The following DOCK8 variants were observed in gnomAD, a reference collection of about 807,000 sequenced individuals.
DOCK8 encodes dedicator of cytokinesis 8.
DOCK8 carries 141 observed loss-of-function variants against 245.6 expected under a neutral mutation model. The ratio of observed to expected loss-of-function variants is 0.57; its 90% CI spans 0.50 to 0.66. The LOEUF (loss-of-function observed/expected upper bound fraction) is 0.66. Ranked by LOEUF, DOCK8 falls within the 30% of genes least tolerant of loss-of-function variation. The pLI is 0.00. For synonymous variants in DOCK8, 1,168 were observed against 970.2 expected (o/e 1.20, Z -3.79); for missense variants, 2,965 against 2,603.4 (o/e 1.14, Z -3.02).
At chr9:237,969 G>T (rs561561166) in intron 1 of DOCK8, among the ~76,000 whole-genome samples, 3 of 152,294 alleles carry the variant, frequency 2.0e-5, no homozygotes, top group Non-Finnish European at 4.4e-5. Flanking sequence ...CCCACTTGTG[G>T]AATAGCTGAG....
chr9:229,252 A>T (rs1013866673), intron 1 of DOCK8, among the ~76,000 whole-genome samples: 4 of 152,130 alleles, frequency 2.6e-5, no homozygotes, highest in Non-Finnish European at 5.9e-5. Context: ...GTTTAATCAG[A>T]AGGCCTTGTC....
At chr9:278,418 C>T (rs1452430899) in intron 2 of DOCK8, among the ~76,000 whole-genome samples, 4 of 152,210 alleles carry the variant, frequency 2.6e-5, no homozygotes, top group African/African-American at 7.2e-5. Flanking sequence ...GTCTCTATGT[C>T]AGGAACTGCT....
chr9:227,302 C>T (rs1320127928), intron 1 of DOCK8, among the ~76,000 whole-genome samples: 2 of 152,132 alleles, frequency 1.3e-5, no homozygotes. Context: ...TTTTTTACTT[C>T]CCTCGTAGAG....
intron 1 of DOCK8, among the ~76,000 whole-genome samples, chr9:248,531 CTCTTTCTT>C (rs140406776): frequency 3.7e-4 from 32 of 87,624 alleles, no homozygotes; most frequent in African/African-American, 9.9e-4. Flanking sequence ...CTCCCTCTCT[CTCTTTCTT>C]TCTTTCTTTC....
intron 12 of DOCK8, among the ~76,000 whole-genome samples, 176 bp downstream of exon 12, chr9:336,894 G>C (rs1023640364): frequency 6.6e-6 from 1 of 152,116 alleles, no homozygotes; most frequent in Non-Finnish European, 1.5e-5. Flanking sequence ...AAAAAGAAAA[G>C]GGATTTGTTT....
At chr9:380,993 G>A (rs2053698317) in intron 21 of DOCK8, 1 of 152,584 alleles carries the variant, frequency 6.6e-6, no homozygotes, top group Non-Finnish European at 1.5e-5. Context: ...AGCTACTCAG[G>A]AAGAAGCTGA....
chr9:399,725 T>G (rs1233347900), intron 26 of DOCK8, among the ~76,000 whole-genome samples: 1 of 152,090 alleles, frequency 6.6e-6, no homozygotes, highest in Admixed American at 6.5e-5. Flanking sequence ...TTAATTTCAC[T>G]GAGCACATAG....
chr9:382,871 C>T (rs2053781293), intron 22 of DOCK8, among the ~76,000 whole-genome samples, 186 bp downstream of exon 22: 1 of 152,076 alleles, frequency 6.6e-6, no homozygotes, highest in Non-Finnish European at 1.5e-5. Flanking sequence ...GATGCAGCAG[C>T]AAGACCAGCA....
In DOCK8 at chr9:399,221, G is replaced by A. The variant is rs528879050; in HGVS notation, c.3196G>A (p.Gly1066Ser). 1.4e-5 allele frequency: 22 copies of A among 1,613,954 alleles called. No homozygotes were observed. The highest frequency in any genetic ancestry group is 1.4e-5 in the Non-Finnish European group (17 of 1,179,972). Residue 1066 changes from glycine (G) to serine (S), a missense_variant, in exon 26 of 48, where the codon GGC becomes AGC. Gly to Ser is a moderately conservative substitution (Grantham distance 56). This residue lies in a region of DOCK8 where 2,825 missense variants were observed against 2,453.5 expected (regional missense o/e 1.15). Coordinates refer to ENST00000432829, the MANE Select transcript of DOCK8 (RefSeq NM_203447.4). Reference protein sequence around the residue: ...LYDLLSLMDRGFVFNLIRHYC... With the variant: ...LYDLLSLMDRSFVFNLIRHYC... ...TGACCTTCTCTCCCTCATGGATCGGGGCTTTGTGTTTAACCTCATCAGACA... is the reference window on the plus strand; with the variant it reads ...TGACCTTCTCTCCCTCATGGATCGGAGCTTTGTGTTTAACCTCATCAGACA...
intron 1 of DOCK8, among the ~76,000 whole-genome samples, chr9:223,311 A>G (rs1055890789): frequency 6.6e-6 from 1 of 152,166 alleles, no homozygotes; most frequent in African/African-American, 2.4e-5. Context: ...TAGTTCATTC[A>G]TTTGTTCACT....
rs902461490 is a variant in DOCK8, at chr9:404,772, A to G, written c.3235-146A>G. The G allele has an allele frequency of 3.6e-6, 3 of 843,864 alleles. No homozygotes were observed. In the African/African-American group the frequency reaches 5.0e-5, roughly 14 times the overall value. The allele number at this position is 843,864 out of a possible 1,614,324, so 52.3% of individuals were successfully genotyped here. A position where few individuals can be genotyped will look rare whatever the true frequency, so the allele number is the denominator to read the frequency against. On this transcript the variant is annotated intron_variant, in intron 26 of 47. Coordinates refer to ENST00000432829, the MANE Select transcript of DOCK8 (RefSeq NM_203447.4). Reference sequence around the variant, plus strand: ...TTTATTAGACCTCTCTGTAATGCAGAATTTACCATCTGTTGCACTATCCCA... The same window carrying G: ...TTTATTAGACCTCTCTGTAATGCAGGATTTACCATCTGTTGCACTATCCCA...
upstream of DOCK8, chr9:214,453 CT>C (rs533654119): frequency 2.6e-3 from 4,006 of 1,526,624 alleles, 15 homozygotes; most frequent in Non-Finnish European, 3.2e-3. Flanking sequence ...ACTTTTTTGT[CT>C]TTTTTTTTGG....
At chr9:262,347 G>A (rs1167224156) in intron 1 of DOCK8, among the ~76,000 whole-genome samples, 1 of 151,488 alleles carries the variant, frequency 6.6e-6, no homozygotes, top group African/African-American at 2.4e-5. Context: ...ATGAAAGAAT[G>A]TATCCATATA....
At chr9:231,817 C>T (rs974360243) in intron 1 of DOCK8, among the ~76,000 whole-genome samples, 4 of 152,140 alleles carry the variant, frequency 2.6e-5, no homozygotes, top group Non-Finnish European at 5.9e-5. Context: ...ATGGGGTTTT[C>T]AAGATATAAA....
At chr9:333,853 G>T (rs1407708113) in intron 10 of DOCK8, among the ~76,000 whole-genome samples, 1 of 152,110 alleles carries the variant, frequency 6.6e-6, no homozygotes, top group Non-Finnish European at 1.5e-5. Flanking sequence ...TGGGAGCTTG[G>T]TAGATGATAT....
At chr9:262,854 T>A (rs1455592760) in intron 1 of DOCK8, among the ~76,000 whole-genome samples, 3 of 152,052 alleles carry the variant, frequency 2.0e-5, no homozygotes, top group South Asian at 2.1e-4. Flanking sequence ...AACAATTTTT[T>A]AAAATGTAGT....
intron 5 of DOCK8, among the ~76,000 whole-genome samples, chr9:306,518 G>A (rs1267057548): frequency 6.6e-6 from 1 of 152,162 alleles, no homozygotes; most frequent in Non-Finnish European, 1.5e-5. Context: ...GATTAAACCG[G>A]TTTTGGAGGT....
At chr9:439,189 G>C in intron 39 of DOCK8, 56 bp from the exon 40 acceptor site, 1 of 1,612,794 alleles carries the variant, frequency 6.2e-7, no homozygotes, top group South Asian at 1.1e-5. Context: ...GGTTCCTGTG[G>C]TCTCTTACTA....
intron 43 of DOCK8, among the ~76,000 whole-genome samples, chr9:446,135 G>A (rs1371984924): frequency 6.6e-6 from 1 of 152,222 alleles, no homozygotes; most frequent in East Asian, 1.9e-4. Context: ...AGGTGCGGCC[G>A]GTGGCCCTCA....
Sources: gnomAD v4.1 joint callset for allele counts (sites outside exome capture counted in the v4.1 genomes callset) on GRCh38, gnomAD v4.1.1 for gene constraint, gnomAD v4.1.1 regional missense constraint, MANE v1.5 for transcripts, NCBI Gene and HGNC (gene_info 2026-07-23, HGNC 2026-07-21) for gene names.